Variants in ERVH48-1 observed in about 807,000 individuals in gnomAD.
The protein encoded by ERVH48-1 is suppressyn.
ERVH48-1 carries 4 observed loss-of-function variants against 2.4 expected under a neutral mutation model. That is an observed-to-expected ratio of 1.68 (90% CI 0.83 to 3.84). The LOEUF is 3.84. Ranked by LOEUF, ERVH48-1 falls within the 30% of genes most tolerant of loss-of-function variation. The probability of loss-of-function intolerance (pLI) is 0.01; values close to 1 mark genes in which losing one functional copy is unlikely to be tolerated. For missense variants in ERVH48-1, 97 were observed against 43.4 expected (o/e 2.23, Z -3.47); for synonymous variants, 32 against 15.5 (o/e 2.06, Z -2.49).
chr21:42,919,286 C>A lies in ERVH48-1; in HGVS notation c.-280G>T. On this transcript the variant is annotated 5_prime_UTR_variant, in exon 2 of 2. Transcript: ENST00000447535. The stretch of plus-strand genomic sequence containing the variant: ...GGGTCAGTTTGGCCGATAAACACGT[C>A]TGTGCCTGCAAGACAGTTATGATGT... 1 of 259,658 alleles carries A rather than the reference C, an allele frequency of 3.9e-6. No individual in the cohort carries two copies. Among genetic ancestry groups the A allele is most frequent in the Non-Finnish European group, 7.6e-6 (1 of 130,766 alleles). The allele number at this position is 259,658 out of a possible 1,614,324, so 16.1% of individuals were successfully genotyped here.
At position 42,918,543 on chromosome 21, in the gene ERVH48-1, G is replaced by T; in HGVS notation, c.464C>A (p.Ser155Tyr). ...PPENRPRHFH[S>Y]FIQKL ...ATCTGCTTATAGTTTTTGTATAAAG[G>T]AATGGAAATGCCGCGGGCGATTTTC... Residue 155 changes from serine to tyrosine, a missense_variant, in exon 2 of 2, where the codon TCC becomes TAC. Transcript: ENST00000447535. The T allele has an allele frequency of 2.2e-6, 1 of 456,002 alleles. No individual in the cohort carries two copies. The highest frequency in any genetic ancestry group is 4.4e-6 in the Non-Finnish European group (1 of 226,572). The allele number at this position is 456,002 out of a possible 1,614,324, so 28.2% of individuals were successfully genotyped here.
Position 42,918,262 on chromosome 21 carries a change from A to G in ERVH48-1, c.*262T>C, listed in dbSNP as rs988250008. 6.3e-6 allele frequency: 2 copies of G among 316,714 alleles called. No individual in the cohort carries two copies. Among genetic ancestry groups the G allele is most frequent in the African/African-American group, 4.3e-5 (2 of 46,132 alleles). The allele number at this position is 316,714 out of a possible 1,614,324, so 19.6% of individuals were successfully genotyped here. ...CACCTACGGCGCGATGGGTTTTATC[A>G]GTCCACTTGCGGGATATGCACACCG... is the stretch of plus-strand genomic sequence containing the variant. On this transcript the variant is annotated 3_prime_UTR_variant, in exon 2 of 2. Coordinates refer to ENST00000447535, the MANE Select transcript of ERVH48-1 (RefSeq NM_001308491.2).
chr21:42,919,733 TG>T lies in ERVH48-1; in HGVS notation c.-285-443del, dbSNP rs199542196. Among the ~76,000 whole-genome samples the T allele has an allele frequency of 8.5e-5, 13 of 152,262 alleles. No homozygotes were observed. In the East Asian group the frequency reaches 1.5e-3, roughly 18 times the overall value. The stretch of plus-strand genomic sequence containing the variant: ...GCCCGTTATCGGACCGGATGGATGT[TG>T]GGAGTCTGAAACAGGGAATTATATG... On this transcript the variant is annotated intron_variant, in intron 1 of 1. Transcript: ENST00000447535.
Position 42,918,123 on chromosome 21 carries a change from TGACAA to T in ERVH48-1, c.*396_*400del, listed in dbSNP as rs2058794280. 4.5e-6 allele frequency: 1 copy of T among 224,372 alleles called. No homozygotes were observed. Among genetic ancestry groups the T allele is most frequent in the East Asian group, 1.1e-4 (1 of 8,776 alleles). The allele number at this position is 224,372 out of a possible 1,614,324, so 13.9% of individuals were successfully genotyped here. On this transcript the variant is annotated 3_prime_UTR_variant, in exon 2 of 2. Transcript: ENST00000447535. The stretch of plus-strand genomic sequence containing the variant: ...TGTTCGTACAGTACCAGGCCTTTTT[TGACAA>T]GACACAATTGAGGTAGCTTAAGTTA...
chr21:42,921,314 T>G (rs1278752361), intron 1 of ERVH48-1, among the ~76,000 whole-genome samples: 2 of 152,064 alleles, frequency 1.3e-5, no homozygotes, highest in Non-Finnish European at 2.9e-5. Flanking sequence ...AGAGGGCCTT[T>G]AGCAGCTTGG....
rs1425024025 is a variant in ERVH48-1, at chr21:42,925,573, C to T, written c.-513G>A. 3 of 262,058 alleles carry T rather than the reference C, an allele frequency of 1.1e-5. No individual in the cohort carries two copies. In the East Asian group the frequency reaches 4.0e-4, roughly 35 times the overall value. The allele number at this position is 262,058 out of a possible 1,614,324, so 16.2% of individuals were successfully genotyped here. A position where few individuals can be genotyped will look rare whatever the true frequency, so the allele number is the denominator to read the frequency against. ...GACAACACGAGGCGGTGTGGAGCAA[C>T]ACACTGTTTTAATAAGCACCTGGAT... On this transcript the variant is annotated 5_prime_UTR_variant, in exon 1 of 2. Coordinates refer to ENST00000447535, the MANE Select transcript of ERVH48-1 (RefSeq NM_001308491.2).
chr21:42,922,755 A>G lies in ERVH48-1; in HGVS notation c.-286+2591T>C, dbSNP rs1352267798. 3.3e-5 allele frequency among the ~76,000 whole-genome samples: 5 copies of G among 150,748 alleles called. No individual in the cohort carries two copies. The East Asian group carries it at 9.7e-4, about 29-fold the overall frequency. Reference sequence around the variant, plus strand: ...ACTCCGTCTCAAAAAAAAAAAAAAAAAAAAAAAAAAGTGAGTGAAGGAAAA... The same window carrying G: ...ACTCCGTCTCAAAAAAAAAAAAAAAGAAAAAAAAAAGTGAGTGAAGGAAAA... On this transcript the variant is annotated intron_variant, in intron 1 of 1. Transcript: ENST00000447535.
chr21:42,921,900 A>G (rs1283443076), intron 1 of ERVH48-1, among the ~76,000 whole-genome samples: 1 of 152,172 alleles, frequency 6.6e-6, no homozygotes, highest in Non-Finnish European at 1.5e-5. Flanking sequence ...TCTAGGACAG[A>G]AAAATGGGTG....
chr21:42,922,264 G>A (rs956405992), intron 1 of ERVH48-1, among the ~76,000 whole-genome samples: 1 of 152,052 alleles, frequency 6.6e-6, no homozygotes, highest in Non-Finnish European at 1.5e-5. Context: ...ATGGATGGGG[G>A]ATAAGGAAAG....
intron 1 of ERVH48-1, among the ~76,000 whole-genome samples, chr21:42,922,739 C>CAAA (rs35066156): frequency 6.2e-5 from 3 of 48,202 alleles, no homozygotes; most frequent in African/African-American, 9.4e-5. Flanking sequence ...GACTCCGTCT[C>CAAA]AAAAAAAAAA....
chr21:42,917,692 G>C lies in ERVH48-1; in HGVS notation c.*832C>G, dbSNP rs2058793006. 1 of 152,178 alleles carries C rather than the reference G, an allele frequency of 6.6e-6. No individual in the cohort carries two copies. The highest frequency in any genetic ancestry group is 6.6e-5 in the Admixed American group (1 of 15,264). The allele number at this position is 152,178 out of a possible 1,614,324, so 9.4% of individuals were successfully genotyped here. ...GCAGTTTGGTTAGTGATTATCTCTA[G>C]AACAGCTTGTAGTCTAATCGCTCTA... On this transcript the variant is annotated 3_prime_UTR_variant, in exon 2 of 2. Transcript: ENST00000447535.
In ERVH48-1 at chr21:42,918,560, G is replaced by A; in HGVS notation, c.447C>T (p.Arg149=). 1 of 456,336 alleles carries A rather than the reference G, an allele frequency of 2.2e-6. No homozygotes were observed. 28.3% of individuals were successfully genotyped at this position (456,336 alleles called of 1,614,324 possible). The change falls in exon 2 of 2, where the codon CGC becomes CGT. Residue 149 remains arginine (R), a synonymous_variant. Coordinates refer to ENST00000447535, the MANE Select transcript of ERVH48-1 (RefSeq NM_001308491.2). ...ASKPTTPPEN[R]PRHFHSFIQK... ...GTATAAAGGAATGGAAATGCCGCGG[G>A]CGATTTTCAGGGGGAGTTGTTGGTT...
intron 1 of ERVH48-1, among the ~76,000 whole-genome samples, chr21:42,923,276 G>C (rs1239033920): frequency 6.6e-6 from 1 of 152,218 alleles, no homozygotes; most frequent in Non-Finnish European, 1.5e-5. Context: ...TGGGCCTGCA[G>C]GGCCTCCCGA....
At chr21:42,922,633 G>T (rs1030652820) in intron 1 of ERVH48-1, among the ~76,000 whole-genome samples, 4 of 151,266 alleles carry the variant, frequency 2.6e-5, no homozygotes. Flanking sequence ...CCAGCTACTC[G>T]GGAGGCTGAG....
intron 1 of ERVH48-1, among the ~76,000 whole-genome samples, chr21:42,921,858 C>T (rs1384551779): frequency 6.6e-6 from 1 of 151,896 alleles, no homozygotes; most frequent in Non-Finnish European, 1.5e-5. Context: ...AATCAGGGTG[C>T]AAATGAACTG....
Position 42,918,230 on chromosome 21 carries a change from G to A in ERVH48-1, c.*294C>T, listed in dbSNP as rs986979258. 1.0e-5 allele frequency: 3 copies of A among 297,530 alleles called. No homozygotes were observed. The highest frequency in any genetic ancestry group is 3.2e-5 in the South Asian group (1 of 30,964). 18.4% of individuals were successfully genotyped at this position (297,530 alleles called of 1,614,324 possible). A position where few individuals can be genotyped will look rare whatever the true frequency, so the allele number is the denominator to read the frequency against. ...GCATTGACTGTTAGGGTTTGGTGAC[G>A]GGTTTTCACCTACGGCGCGATGGGT... On this transcript the variant is annotated 3_prime_UTR_variant, in exon 2 of 2. Coordinates refer to ENST00000447535, the MANE Select transcript of ERVH48-1 (RefSeq NM_001308491.2).
Position 42,918,580 on chromosome 21 carries a change from T to C in ERVH48-1, c.427A>G (p.Thr143Ala), listed in dbSNP as rs188629514. 80 of 456,510 alleles carry C rather than the reference T, an allele frequency of 1.8e-4. No homozygotes were observed. Among genetic ancestry groups the C allele is most frequent in the Admixed American group, 7.3e-4 (31 of 42,582 alleles). The allele number at this position is 456,510 out of a possible 1,614,324, so 28.3% of individuals were successfully genotyped here. A position where few individuals can be genotyped will look rare whatever the true frequency, so the allele number is the denominator to read the frequency against. ...CGCGGGCGATTTTCAGGGGGAGTTG[T>C]TGGTTTTGAGGCTTTGGCTTTGGCT... is the stretch of plus-strand genomic sequence containing the variant. ...IIAKAKASKP[T>A]TPPENRPRHF... The change falls in exon 2 of 2, where the codon ACA (threonine) becomes GCA (alanine). Residue 143 changes from threonine (T) to alanine (A), a missense_variant. Physicochemically the swap from Thr to Ala is moderately conservative, Grantham distance 58. Coordinates refer to ENST00000447535, the MANE Select transcript of ERVH48-1 (RefSeq NM_001308491.2).
intron 1 of ERVH48-1, among the ~76,000 whole-genome samples, chr21:42,923,587 T>C: frequency 6.6e-6 from 1 of 152,054 alleles, no homozygotes; most frequent in East Asian, 1.9e-4. Flanking sequence ...TTCTAAAAGT[T>C]TTTCATAGTT....
Position 42,918,554 on chromosome 21 carries a change from C to A in ERVH48-1, c.453G>T (p.Arg151=). The A allele has an allele frequency of 2.2e-6, 1 of 456,232 alleles. No homozygotes were observed. 28.3% of individuals were successfully genotyped at this position (456,232 alleles called of 1,614,324 possible). The part of the protein sequence containing the change: ...KPTTPPENRP[R]HFHSFIQKL Reference sequence around the variant, plus strand: ...GTTTTTGTATAAAGGAATGGAAATGCCGCGGGCGATTTTCAGGGGGAGTTG... The same window carrying A: ...GTTTTTGTATAAAGGAATGGAAATGACGCGGGCGATTTTCAGGGGGAGTTG... The change falls in exon 2 of 2, where the codon CGG becomes CGT. Residue 151 remains arginine, a synonymous_variant. Transcript: ENST00000447535.
Sources: allele counts gnomAD v4.1 joint callset (sites outside exome capture counted in the v4.1 genomes callset), GRCh38; gene constraint gnomAD v4.1.1; transcripts MANE v1.5; gene names NCBI Gene and HGNC (gene_info 2026-07-23, HGNC 2026-07-21).